The following OPHN1 variants were observed in gnomAD, a reference collection of about 807,000 sequenced individuals.
The protein encoded by OPHN1 is oligophrenin 1, also known as oligophrenin-1.
OPHN1 carries 11 observed loss-of-function variants against 60.7 expected under a neutral mutation model. The ratio of observed to expected loss-of-function variants is 0.18; its 90% CI spans 0.11 to 0.30. The LOEUF is 0.30. Ranked by LOEUF, OPHN1 falls within the 10% of genes least tolerant of loss-of-function variation. The pLI is 1.00. For synonymous variants in OPHN1, 226 were observed against 222.6 expected, an observed-to-expected ratio of 1.02 and a Z score of -0.14; for missense variants, 449 against 611.0, an observed-to-expected ratio of 0.73 and a Z score of 2.80.
At chrX:68,385,993 A>C (rs2078622562) in intron 2 of OPHN1, among the ~76,000 whole-genome samples, 1 of 112,126 alleles carries the variant, frequency 8.9e-6, no homozygotes, top group African/African-American at 3.2e-5. Context: ...GTGGAGTTGG[A>C]TAGGCTTTGC....
chrX:68,350,063 A>T (rs1411180404), intron 2 of OPHN1, among the ~76,000 whole-genome samples: 1 of 111,483 alleles, frequency 9.0e-6, no homozygotes, highest in Non-Finnish European at 1.9e-5. Context: ...TATAATTTTT[A>T]AAAAATACAA....
intron 3 of OPHN1, among the ~76,000 whole-genome samples, chrX:68,286,967 A>G (rs2078043652): frequency 9.3e-6 from 1 of 107,995 alleles, no homozygotes; most frequent in Non-Finnish European, 1.9e-5. Context: ...GTAAGCCAAG[A>G]TGCCACTACT....
intron 2 of OPHN1, among the ~76,000 whole-genome samples, chrX:68,317,233 G>A (rs2078203653): frequency 9.5e-6 from 1 of 105,278 alleles, no homozygotes. Flanking sequence ...CCAGGAGGTC[G>A]AGGCTGCAGT....
At chrX:68,048,250 A>G (rs1035593405) in intron 24 of OPHN1, among the ~76,000 whole-genome samples, 166 bp downstream of exon 24, 10 of 112,207 alleles carry the variant, frequency 8.9e-5, no homozygotes, top group Non-Finnish European at 1.5e-4. Flanking sequence ...TGGAATTGAA[A>G]GTCACTAAAT....
chrX:68,296,379 G>A (rs917423420), intron 3 of OPHN1, among the ~76,000 whole-genome samples: 3 of 111,359 alleles, frequency 2.7e-5, no homozygotes, highest in East Asian at 2.8e-4. Flanking sequence ...CAAAAAGGCC[G>A]GGCACTATGG....
intron 15 of OPHN1, chrX:68,133,004 C>A: frequency 2.1e-6 from 1 of 477,121 alleles, no homozygotes; most frequent in Non-Finnish European, 3.8e-6. Flanking sequence ...CAAGCCGCCG[C>A]CGCTTCAGAC....
chrX:68,112,062 C>T (rs1287457140), intron 17 of OPHN1, 103 bp from the exon 18 acceptor site: 1 of 211,549 alleles, frequency 4.7e-6, no homozygotes, highest in Non-Finnish European at 9.0e-6. Flanking sequence ...TGCACACATG[C>T]ACACACACAC....
chrX:68,056,812 A>G (rs1442132952), intron 21 of OPHN1, among the ~76,000 whole-genome samples: 2 of 111,590 alleles, frequency 1.8e-5, no homozygotes, highest in Non-Finnish European at 3.8e-5. Context: ...GTGAGGGCTG[A>G]AACCCATACC....
At chrX:68,126,886 C>T (rs998699754) in intron 15 of OPHN1, among the ~76,000 whole-genome samples, 11 of 112,262 alleles carry the variant, frequency 9.8e-5, no homozygotes, top group African/African-American at 2.6e-4. Context: ...CTTCTGAATC[C>T]GTGGCTCACC....
At chrX:68,289,412 G>A (rs935292429) in intron 3 of OPHN1, among the ~76,000 whole-genome samples, 2 of 112,265 alleles carry the variant, frequency 1.8e-5, no homozygotes, top group African/African-American at 6.5e-5. Flanking sequence ...GAAAACTGAG[G>A]TTTAATTTAG....
intron 19 of OPHN1, among the ~76,000 whole-genome samples, chrX:68,091,143 C>T (rs755910344): frequency 8.1e-5 from 9 of 111,434 alleles, no homozygotes; most frequent in Non-Finnish European, 1.5e-4. Flanking sequence ...TCAGCTTTGC[C>T]ACTTACTACA....
At chrX:68,308,586 C>T (rs1162669109) in intron 2 of OPHN1, among the ~76,000 whole-genome samples, 1 of 105,003 alleles carries the variant, frequency 9.5e-6, no homozygotes, top group Non-Finnish European at 1.9e-5. Context: ...AGTGAGACCC[C>T]ATCTCACGAA....
rs73526522 is a variant in OPHN1, at chrX:68,142,882, A to G, written c.1277-23550T>C. ...AAAACTTGGATGAGAGTTAGGTACT[A>G]CTACTGGTATATATTCTCCAGCAAG... On this transcript the variant is annotated intron_variant, in intron 15 of 24. Coordinates refer to ENST00000355520, the MANE Select transcript of OPHN1 (RefSeq NM_002547.3). 7.1e-3 allele frequency among the ~76,000 whole-genome samples: 801 copies of G among 112,251 alleles called. 8 individuals carry two copies. The highest frequency in any genetic ancestry group is 0.024 in the African/African-American group (753 of 30,911).
chrX:68,139,711 C>T (rs1011007754), intron 15 of OPHN1, among the ~76,000 whole-genome samples: 1 of 111,921 alleles, frequency 8.9e-6, no homozygotes, highest in Admixed American at 9.5e-5. Context: ...ATAATCTATA[C>T]AAAATTAATT....
intron 6 of OPHN1, among the ~76,000 whole-genome samples, chrX:68,224,276 C>T (rs1202336262): frequency 7.2e-5 from 8 of 111,559 alleles, no homozygotes; most frequent in Non-Finnish European, 1.5e-4. Flanking sequence ...TTAAATTATA[C>T]CAGAAATCAA....
At position 68,252,942 on chromosome X, in the gene OPHN1, C is replaced by T. The variant is rs1455846377; in HGVS notation, c.385-18354G>A. 2.7e-5 allele frequency among the ~76,000 whole-genome samples: 3 copies of T among 110,427 alleles called. No individual in the cohort carries two copies. In the East Asian group the frequency reaches 8.5e-4, roughly 31 times the overall value. On this transcript the variant is annotated intron_variant, in intron 5 of 24. Transcript: ENST00000355520. ...GAGTTTTTTTTTAGAGGAAGTCTGG[C>T]TTTGGAAGATGGACCTCCTCGAAGA...
chrX:68,103,362 T>C (rs5964638), intron 18 of OPHN1, among the ~76,000 whole-genome samples: 7,817 of 111,785 alleles, frequency 0.07, 685 homozygotes, highest in African/African-American at 0.24. Context: ...AAACTAAGTA[T>C]TGATGGAACA....
intron 6 of OPHN1, among the ~76,000 whole-genome samples, chrX:68,224,415 T>C (rs1478892408): frequency 9.0e-6 from 1 of 111,240 alleles, no homozygotes; most frequent in African/African-American, 3.3e-5. Flanking sequence ...CTCAGCAATT[T>C]AGGAGGGCAA....
At position 68,046,723 on chromosome X, in the gene OPHN1, C is replaced by G; in HGVS notation, c.*449G>C. 1 of 112,175 alleles carries G rather than the reference C, an allele frequency of 8.9e-6. No homozygotes were observed. The highest frequency in any genetic ancestry group is 1.9e-5 in the Non-Finnish European group (1 of 53,242). The allele number at this position is 112,175 out of a possible 1,213,427, so 9.2% of individuals were successfully genotyped here. A position where few individuals can be genotyped will look rare whatever the true frequency, so the allele number is the denominator to read the frequency against. On this transcript the variant is annotated 3_prime_UTR_variant, in exon 25 of 25. Coordinates refer to ENST00000355520, the MANE Select transcript of OPHN1 (RefSeq NM_002547.3). Reference sequence around the variant, plus strand: ...TCTATTCCCTTCCAACCAAGGTAAGCAATGGCCCCAACTCAAGTGGCCTTC... The same window carrying G: ...TCTATTCCCTTCCAACCAAGGTAAGGAATGGCCCCAACTCAAGTGGCCTTC...
Sources: allele counts gnomAD v4.1 joint callset (sites outside exome capture counted in the v4.1 genomes callset), GRCh38; gene constraint gnomAD v4.1.1; transcripts MANE v1.5; gene names NCBI Gene and HGNC (gene_info 2026-07-23, HGNC 2026-07-21).